The following SRD5A2 variants were observed in gnomAD, a reference collection of about 807,000 sequenced individuals.
SRD5A2 encodes 3-oxo-5-alpha-steroid 4-dehydrogenase 2.
A neutral mutation model predicts 27.4 loss-of-function variants in SRD5A2; 30 were observed. The observed-to-expected ratio is 1.10, with a 90% CI of 0.82 to 1.49. The LOEUF is 1.49. Ranked by LOEUF, SRD5A2 falls within the 40% of genes most tolerant of loss-of-function variation. The probability of loss-of-function intolerance (pLI) is 0.00; values close to 1 mark genes in which losing one functional copy is unlikely to be tolerated. For missense variants in SRD5A2, 348 were observed against 323.4 expected, an observed-to-expected ratio of 1.08 and a Z score of -0.58; for synonymous variants, 141 against 133.6, an observed-to-expected ratio of 1.06 and a Z score of -0.38.
the SRD5A2 span, among the ~76,000 whole-genome samples, chr2:31,600,088 G>C: frequency 1.3e-5 from 2 of 151,876 alleles, no homozygotes; most frequent in African/African-American, 4.8e-5. Context: ...ACAGTATTTG[G>C]TTTTCTGTTC....
the SRD5A2 span, chr2:31,651,630 T>C: frequency 6.4e-6 from 1 of 156,984 alleles, no homozygotes; most frequent in Non-Finnish European, 1.4e-5. Flanking sequence ...AGACTCAGCC[T>C]GGAAGCCGCA....
the SRD5A2 span, among the ~76,000 whole-genome samples, chr2:31,653,593 G>C: frequency 1.3e-5 from 2 of 152,118 alleles, no homozygotes; most frequent in Admixed American, 6.6e-5. Flanking sequence ...ATAAGTCAAG[G>C]TGTCACCCTT....
intron 1 of SRD5A2, among the ~76,000 whole-genome samples, chr2:31,575,404 AG>A (rs1666936902): frequency 6.6e-6 from 1 of 152,210 alleles, no homozygotes; most frequent in African/African-American, 2.4e-5. Flanking sequence ...ACGTTTCCTT[AG>A]AACAGATAAT....
the SRD5A2 span, among the ~76,000 whole-genome samples, chr2:31,645,513 G>C: frequency 6.6e-6 from 1 of 152,090 alleles, no homozygotes; most frequent in African/African-American, 2.4e-5. Context: ...ATGTAAATTT[G>C]ATTCTCGTTA....
the SRD5A2 span, among the ~76,000 whole-genome samples, chr2:31,637,192 A>C: frequency 2.0e-5 from 3 of 151,976 alleles, no homozygotes; most frequent in African/African-American, 7.2e-5. Context: ...ATCATTCTTC[A>C]ATCATGGTAA....
chr2:31,576,052 A>C (rs971183977), intron 1 of SRD5A2, among the ~76,000 whole-genome samples: 1 of 151,622 alleles, frequency 6.6e-6, no homozygotes, highest in Non-Finnish European at 1.5e-5. Flanking sequence ...CCTAGAAGAA[A>C]ACCTAGGCAT....
the SRD5A2 span, among the ~76,000 whole-genome samples, chr2:31,638,910 T>C: frequency 5.9e-5 from 9 of 152,218 alleles, no homozygotes; most frequent in African/African-American, 1.2e-4. Flanking sequence ...GCCATTTATA[T>C]TAAGTGTTAC....
chr2:31,661,762 T>C, the SRD5A2 span, among the ~76,000 whole-genome samples: 2 of 152,180 alleles, frequency 1.3e-5, no homozygotes, highest in Non-Finnish European at 2.9e-5. Flanking sequence ...AACTATTTTT[T>C]CCTCATTCTC....
At chr2:31,606,065 T>G in the SRD5A2 span, among the ~76,000 whole-genome samples, 4 of 152,068 alleles carry the variant, frequency 2.6e-5, no homozygotes, top group South Asian at 8.3e-4. Flanking sequence ...ATACATCACA[T>G]GTTCTCACTT....
chr2:31,606,753 C>A, the SRD5A2 span, among the ~76,000 whole-genome samples: 3 of 151,954 alleles, frequency 2.0e-5, no homozygotes, highest in Admixed American at 1.3e-4. Context: ...CATCTCCATT[C>A]TGAGTCACAT....
At chr2:31,607,943 T>C in the SRD5A2 span, among the ~76,000 whole-genome samples, 2 of 151,882 alleles carry the variant, frequency 1.3e-5, no homozygotes, top group African/African-American at 4.8e-5. Context: ...CAATGATCTC[T>C]CTTTCTCAGC....
At chr2:31,645,682 A>C in the SRD5A2 span, among the ~76,000 whole-genome samples, 1 of 152,218 alleles carries the variant, frequency 6.6e-6, no homozygotes, top group Non-Finnish European at 1.5e-5. Context: ...GGATACTCTA[A>C]AGCTTTCAAC....
At chr2:31,626,456 C>T in the SRD5A2 span, among the ~76,000 whole-genome samples, 1 of 152,094 alleles carries the variant, frequency 6.6e-6, no homozygotes, top group Non-Finnish European at 1.5e-5. Context: ...GGAATGCTTC[C>T]AGTTTTTGCC....
the SRD5A2 span, among the ~76,000 whole-genome samples, chr2:31,637,565 T>C: frequency 1.3e-5 from 2 of 152,086 alleles, no homozygotes; most frequent in Non-Finnish European, 2.9e-5. Context: ...TTAATTAGTA[T>C]ATAATTAGTA....
At chr2:31,550,101 C>G (rs910041732) in intron 1 of SRD5A2, among the ~76,000 whole-genome samples, 4 of 152,004 alleles carry the variant, frequency 2.6e-5, no homozygotes. Context: ...ACAAGAAATT[C>G]TCCAAAACTT....
the SRD5A2 span, among the ~76,000 whole-genome samples, chr2:31,602,777 T>C: frequency 6.6e-6 from 1 of 151,246 alleles, no homozygotes; most frequent in African/African-American, 2.4e-5. Context: ...ATCTGAACTT[T>C]GACAAAACTG....
At position 31,549,364 on chromosome 2, in the gene SRD5A2, G is replaced by A. The variant is rs146271728; in HGVS notation, c.282-15598C>T. On this transcript the variant is annotated intron_variant, in intron 1 of 4. Coordinates refer to ENST00000622030, the MANE Select transcript of SRD5A2 (RefSeq NM_000348.4). ...CCTGACCTCATGGTCCACCCGCCTC[G>A]GCCTTCCAAAGTGCTGGGATTACAG... is the stretch of plus-strand genomic sequence containing the variant. Among the ~76,000 whole-genome samples, 934 of 151,644 alleles carry A rather than the reference G, an allele frequency of 6.2e-3. 6 individuals are homozygous for A. Among genetic ancestry groups the A allele is most frequent in the Admixed American group, 0.01 (154 of 15,220 alleles).
chr2:31,568,364 C>T (rs1361028825), intron 1 of SRD5A2, among the ~76,000 whole-genome samples: 12 of 152,156 alleles, frequency 7.9e-5, no homozygotes, highest in Non-Finnish European at 1.5e-4. Context: ...CAATGAGGTA[C>T]GCAAACAACT....
chr2:31,626,558 T>G, the SRD5A2 span, among the ~76,000 whole-genome samples: 4 of 152,318 alleles, frequency 2.6e-5, no homozygotes, highest in Admixed American at 2.0e-4. Context: ...TGAGAGTTTT[T>G]AGCATGAAAG....
Sources: gnomAD v4.1 joint callset for allele counts (sites outside exome capture counted in the v4.1 genomes callset) on GRCh38, gnomAD v4.1.1 for gene constraint, MANE v1.5 for transcripts, NCBI Gene and HGNC (gene_info 2026-07-23, HGNC 2026-07-21) for gene names.